IFT57: variants seen among roughly 807,000 people sequenced by gnomAD.
IFT57 encodes intraflagellar transport 57.
In IFT57, 59 loss-of-function variants were observed where a neutral mutation model predicts 56.8. The ratio of observed to expected loss-of-function variants is 1.04; its 90% CI spans 0.84 to 1.29. IFT57 has a LOEUF of 1.29. IFT57 is among the 50% of genes most tolerant of loss of function. The pLI, the probability that IFT57 is intolerant of heterozygous loss-of-function variation, is 0.00. For synonymous variants in IFT57, 209 were observed against 186.1 expected, an observed-to-expected ratio of 1.12 and a Z score of -1.00; for missense variants, 470 against 522.1, an observed-to-expected ratio of 0.90 and a Z score of 0.97.
rs747791503 is a variant in IFT57 at position 108,166,803 on chromosome 3, G to C, written c.981+51C>G. The C allele has an allele frequency of 1.8e-5, 27 of 1,512,724 alleles. No homozygotes were observed. In the Admixed American group the frequency reaches 3.5e-4, roughly 20 times the overall value. The allele number at this position is 1,512,724 out of a possible 1,614,324, so 93.7% of individuals were successfully genotyped here. A position where few individuals can be genotyped will look rare whatever the true frequency, so the allele number is the denominator to read the frequency against. The stretch of plus-strand genomic sequence containing the variant: ...ATGAACAGTATTGTGTCAAGTTTAG[G>C]GTTTAGGGTTGTTAACTTGAATAAA... On this transcript the variant is annotated intron_variant, in intron 8 of 10. Transcript: ENST00000264538.
chr3:108,216,998 T>G (rs2080376658), intron 3 of IFT57, among the ~76,000 whole-genome samples: 1 of 151,998 alleles, frequency 6.6e-6, no homozygotes, highest in Non-Finnish European at 1.5e-5. Context: ...TTAGGAGGAA[T>G]AAGTTCTAGT....
chr3:108,169,936 T>C (rs956291268), intron 6 of IFT57, among the ~76,000 whole-genome samples: 4 of 151,980 alleles, frequency 2.6e-5, no homozygotes, highest in African/African-American at 9.7e-5. Flanking sequence ...AGGCCTTTGA[T>C]AAAGTTCAAC....
At chr3:108,173,361 G>C (rs1191583190) in intron 6 of IFT57, among the ~76,000 whole-genome samples, 1 of 151,694 alleles carries the variant, frequency 6.6e-6, no homozygotes, top group African/African-American at 2.4e-5. Flanking sequence ...GGTGGTAATG[G>C]TCTAGTTCTC....
At chr3:108,171,291 C>A (rs1225480390) in intron 6 of IFT57, among the ~76,000 whole-genome samples, 1 of 151,836 alleles carries the variant, frequency 6.6e-6, no homozygotes, top group African/African-American at 2.4e-5. Context: ...AAGGGGCACA[C>A]CCAAGGCCAC....
chr3:108,178,906 GT>G (rs1560107010), intron 6 of IFT57, among the ~76,000 whole-genome samples: 2 of 125,770 alleles, frequency 1.6e-5, no homozygotes, highest in East Asian at 4.9e-4. Flanking sequence ...CAGTAGAAAT[GT>G]GTACATTCCA....
chr3:108,183,218 G>T (rs1193922274), intron 6 of IFT57, among the ~76,000 whole-genome samples: 6 of 151,904 alleles, frequency 3.9e-5, no homozygotes, highest in African/African-American at 1.5e-4. Flanking sequence ...TCTTCATGAA[G>T]AATAATAGGA....
chr3:108,220,124 A>C (rs2080397227), intron 1 of IFT57, among the ~76,000 whole-genome samples: 1 of 152,230 alleles, frequency 6.6e-6, no homozygotes, highest in Non-Finnish European at 1.5e-5. Flanking sequence ...CTTCAGTGAA[A>C]GTAGGCCCAG....
At chr3:108,212,748 T>C (rs1218546678) in intron 4 of IFT57, among the ~76,000 whole-genome samples, 4 of 152,218 alleles carry the variant, frequency 2.6e-5, no homozygotes, top group Non-Finnish European at 5.9e-5. Context: ...ACTTAAATAC[T>C]ATACTATACT....
chr3:108,195,535 C>T (rs1376947649), intron 5 of IFT57, among the ~76,000 whole-genome samples: 1 of 152,172 alleles, frequency 6.6e-6, no homozygotes, highest in Non-Finnish European at 1.5e-5. Flanking sequence ...TTTACTGCAG[C>T]ACTATCCACA....
chr3:108,206,277 C>T (rs554559814), intron 5 of IFT57, among the ~76,000 whole-genome samples: 28 of 150,628 alleles, frequency 1.9e-4, no homozygotes, highest in Middle Eastern at 6.8e-3. Flanking sequence ...TAAATATTTT[C>T]CTATAATCAA....
chr3:108,215,723 T>C (rs1021264846), intron 3 of IFT57, among the ~76,000 whole-genome samples: 1 of 152,202 alleles, frequency 6.6e-6, no homozygotes, highest in African/African-American at 2.4e-5. Flanking sequence ...TTTAGATATA[T>C]AAAAAATTCA....
chr3:108,200,975 A>C (rs1489835354), intron 5 of IFT57, among the ~76,000 whole-genome samples: 1 of 152,244 alleles, frequency 6.6e-6, no homozygotes, highest in African/African-American at 2.4e-5. Context: ...ATACAAAATA[A>C]GAAATGCATG....
At chr3:108,185,427 G>C (rs1325713128) in intron 6 of IFT57, among the ~76,000 whole-genome samples, 1 of 151,724 alleles carries the variant, frequency 6.6e-6, no homozygotes, top group Non-Finnish European at 1.5e-5. Context: ...GTGCCATTAA[G>C]AATATCACTG....
intron 6 of IFT57, among the ~76,000 whole-genome samples, chr3:108,189,269 T>C (rs1014003516): frequency 1.3e-5 from 2 of 152,204 alleles, no homozygotes; most frequent in Non-Finnish European, 2.9e-5. Flanking sequence ...TCCACTTACA[T>C]TGAATAGAAT....
At chr3:108,202,877 T>C (rs1447260832) in intron 5 of IFT57, among the ~76,000 whole-genome samples, 4 of 152,326 alleles carry the variant, frequency 2.6e-5, no homozygotes, top group South Asian at 2.1e-4. Flanking sequence ...GAGGAACATA[T>C]CTTTTTCAGT....
intron 6 of IFT57, among the ~76,000 whole-genome samples, chr3:108,171,544 T>C (rs1308645518): frequency 6.6e-6 from 1 of 151,854 alleles, no homozygotes; most frequent in Admixed American, 6.6e-5. Context: ...AACAATCATC[T>C]AGTGTAACGT....
At chr3:108,170,424 T>A (rs1366501594) in intron 6 of IFT57, among the ~76,000 whole-genome samples, 2 of 151,806 alleles carry the variant, frequency 1.3e-5, no homozygotes, top group Non-Finnish European at 2.9e-5. Context: ...ATAAAATATC[T>A]AGGAATACAA....
At position 108,222,287 on chromosome 3, in the gene IFT57, AC is replaced by A. The variant is rs1208362062; in HGVS notation, c.35del (p.Gly12ValfsTer32). ...TAALAVVTTS[G>X]LEDGVPRSRG... ...GGGACCTAGGCACCCCATCTTCCAA[AC>A]CCGACGTCGTGACGACGGCCAGAGC... On this transcript the variant is annotated frameshift_variant, in exon 1 of 11. Transcript: ENST00000264538. LOFTEE classifies it high-confidence loss of function. 3 of 1,613,330 alleles carry A rather than the reference AC, an allele frequency of 1.9e-6. No individual in the cohort carries two copies. Among genetic ancestry groups the A allele is most frequent in the Non-Finnish European group, 2.5e-6 (3 of 1,179,756 alleles).
chr3:108,166,854 C>T lies in IFT57; in HGVS notation c.981G>A (p.Glu327=). 5.0e-6 allele frequency: 8 copies of T among 1,605,030 alleles called. No homozygotes were observed. Among genetic ancestry groups the T allele is most frequent in the Non-Finnish European group, 6.8e-6 (8 of 1,175,922 alleles). The part of the protein sequence containing the change: ...EYRAAQAQLS[E]AKERYQQGNG... ...TCCTTGGAAATCATTCTTAAATTAC[C>T]TCACTCAGCTGGGCTTGAGCTGCAC... is the stretch of plus-strand genomic sequence containing the variant. Residue 327 remains glutamate, a splice_region_variant and synonymous_variant, in exon 8 of 11, where the codon GAG becomes GAA. Coordinates refer to ENST00000264538, the MANE Select transcript of IFT57 (RefSeq NM_018010.4).
Sources: allele counts gnomAD v4.1 joint callset (sites outside exome capture counted in the v4.1 genomes callset), GRCh38; gene constraint gnomAD v4.1.1; transcripts MANE v1.5; gene names NCBI Gene and HGNC (gene_info 2026-07-23, HGNC 2026-07-21).